The following ZNF723 variants were observed in gnomAD, a reference collection of about 807,000 sequenced individuals.
The protein encoded by ZNF723 is zinc finger protein 723.
Under a neutral mutation model 9.4 loss-of-function variants are expected in ZNF723, and 5 were observed. That is an observed-to-expected ratio of 0.53 (90% CI 0.28 to 1.12). The LOEUF (loss-of-function observed/expected upper bound fraction) is 1.12. ZNF723 is among the 50% of genes most tolerant of loss of function. ZNF723 has a pLI of 0.10. For synonymous variants in ZNF723, 158 were observed against 168.8 expected, an observed-to-expected ratio of 0.94 and a Z score of 0.49; for missense variants, 450 against 501.5, an observed-to-expected ratio of 0.90 and a Z score of 0.98.
intron 3 of ZNF723, among the ~76,000 whole-genome samples, 180 bp from the exon 4 acceptor site, chr19:22,856,938 T>C (rs548188291): frequency 3.3e-4 from 50 of 152,346 alleles, no homozygotes; most frequent in South Asian, 6.2e-4. Context: ...TTATACATTT[T>C]CCACAAATGT....
At chr19:22,840,228 A>G (rs1443230675) in intron 1 of ZNF723, among the ~76,000 whole-genome samples, 2 of 151,804 alleles carry the variant, frequency 1.3e-5, no homozygotes, top group Non-Finnish European at 2.9e-5. Context: ...CTGGAGTGCA[A>G]TGGCATGATC....
At chr19:22,816,170 TACAGAGGGTGTCCTA>T in the ZNF723 span, among the ~76,000 whole-genome samples, 1 of 152,174 alleles carries the variant, frequency 6.6e-6, no homozygotes, top group African/African-American at 2.4e-5. Context: ...CCTTTGGTGG[TACAGAGGGTGTCCTA>T]ACAGAGCACA....
the ZNF723 span, among the ~76,000 whole-genome samples, chr19:22,812,633 C>G: frequency 9.2e-5 from 14 of 152,108 alleles, no homozygotes; most frequent in Admixed American, 9.2e-4. Flanking sequence ...AAGAACCTAG[C>G]GCACAGGTGA....
At chr19:22,826,865 G>A in the ZNF723 span, among the ~76,000 whole-genome samples, 1 of 152,190 alleles carries the variant, frequency 6.6e-6, no homozygotes, top group South Asian at 2.1e-4. Flanking sequence ...ACCTTGATAG[G>A]TAAAAGATGA....
At chr19:22,837,735 G>T (rs1422657453) in intron 1 of ZNF723, among the ~76,000 whole-genome samples, 1 of 152,098 alleles carries the variant, frequency 6.6e-6, no homozygotes, top group Non-Finnish European at 1.5e-5. Context: ...ATGCCCACTG[G>T]ACATTGACAT....
At chr19:22,823,106 G>A in the ZNF723 span, among the ~76,000 whole-genome samples, 1 of 152,264 alleles carries the variant, frequency 6.6e-6, no homozygotes, top group South Asian at 2.1e-4. Context: ...AGAGATGTTA[G>A]CTCTCATTCC....
At chr19:22,834,717 C>T (rs1967143840) in intron 1 of ZNF723, among the ~76,000 whole-genome samples, 1 of 152,102 alleles carries the variant, frequency 6.6e-6, no homozygotes, top group Non-Finnish European at 1.5e-5. Context: ...ATTGTCTTCA[C>T]CTAACCCATC....
At chr19:22,850,539 C>T (rs886280046) in intron 3 of ZNF723, among the ~76,000 whole-genome samples, 1 of 151,156 alleles carries the variant, frequency 6.6e-6, no homozygotes, top group African/African-American at 2.4e-5. Flanking sequence ...GCACTTGCTG[C>T]CCAGGCTGGA....
intron 3 of ZNF723, among the ~76,000 whole-genome samples, chr19:22,854,368 TTCTG>T (rs1967442235): frequency 6.6e-6 from 1 of 152,134 alleles, no homozygotes; most frequent in Non-Finnish European, 1.5e-5. Flanking sequence ...TCTTGCCACT[TTCTG>T]TCTTTTTTTA....
At chr19:22,843,694 AC>A (rs1277634730) in intron 1 of ZNF723, among the ~76,000 whole-genome samples, 2 of 152,162 alleles carry the variant, frequency 1.3e-5, no homozygotes, top group Non-Finnish European at 2.9e-5. Flanking sequence ...TATTGTAGTG[AC>A]TTCTTATGTC....
At chr19:22,853,687 G>A (rs527448880) in intron 3 of ZNF723, among the ~76,000 whole-genome samples, 3 of 152,226 alleles carry the variant, frequency 2.0e-5, no homozygotes, top group Admixed American at 2.0e-4. Context: ...GCAATGGCCT[G>A]ATCTTGGCTC....
chr19:22,838,627 C>T (rs1967199893), intron 1 of ZNF723, among the ~76,000 whole-genome samples: 1 of 151,976 alleles, frequency 6.6e-6, no homozygotes, highest in Admixed American at 6.5e-5. Context: ...GTCATAGTTT[C>T]ATCCATGTTG....
rs77190030 is a variant in ZNF723, at chr19:22,849,761, T to C, written c.226+468T>C. On this transcript the variant is annotated intron_variant, in intron 3 of 3. Coordinates refer to ENST00000600766, the MANE Select transcript of ZNF723 (RefSeq NM_001349726.2). ...CCTTCTCTACCAAAAATACAAAAAT[T>C]TGTTGCTCGTGGTGGCGCACTTCTG... Among the ~76,000 whole-genome samples, 857 of 152,012 alleles carry C rather than the reference T, an allele frequency of 5.6e-3. 10 individuals carry two copies. Among genetic ancestry groups the C allele is most frequent in the African/African-American group, 0.017 (712 of 41,504 alleles).
intron 3 of ZNF723, among the ~76,000 whole-genome samples, chr19:22,850,945 TATC>T (rs1599479245): frequency 6.6e-6 from 1 of 152,218 alleles, no homozygotes; most frequent in East Asian, 1.9e-4. Context: ...TACATTTTAA[TATC>T]ATAACTTCAA....
At chr19:22,848,032 G>T (rs1033229289) in intron 1 of ZNF723, among the ~76,000 whole-genome samples, 2 of 151,558 alleles carry the variant, frequency 1.3e-5, no homozygotes. Context: ...AACCCAGGAG[G>T]CAGAGGTTGC....
intron 1 of ZNF723, among the ~76,000 whole-genome samples, chr19:22,846,234 GT>G (rs1172911745): frequency 6.6e-6 from 1 of 152,116 alleles, no homozygotes; most frequent in African/African-American, 2.4e-5. Flanking sequence ...GGAAAAGCTG[GT>G]ATCCTTAGTA....
At chr19:22,852,607 G>C (rs1967413358) in intron 3 of ZNF723, among the ~76,000 whole-genome samples, 1 of 151,982 alleles carries the variant, frequency 6.6e-6, no homozygotes, top group African/African-American at 2.4e-5. Context: ...AAAAATTTTG[G>C]ACTTGACAAT....
At chr19:22,849,656 C>T (rs1442926092) in intron 3 of ZNF723, among the ~76,000 whole-genome samples, 1 of 152,148 alleles carries the variant, frequency 6.6e-6, no homozygotes, top group Non-Finnish European at 1.5e-5. Context: ...CACCAGTAAA[C>T]CCAGCACTTT....
the ZNF723 span, among the ~76,000 whole-genome samples, chr19:22,814,873 G>T: frequency 6.6e-6 from 1 of 152,034 alleles, no homozygotes; most frequent in Non-Finnish European, 1.5e-5. Context: ...CATATCACTG[G>T]CCCTAGAACC....
Sources: gnomAD v4.1 joint callset for allele counts (sites outside exome capture counted in the v4.1 genomes callset) on GRCh38, gnomAD v4.1.1 for gene constraint, MANE v1.5 for transcripts, NCBI Gene and HGNC (gene_info 2026-07-23, HGNC 2026-07-21) for gene names.